Variants in TUBA8 observed in about 807,000 individuals in gnomAD.
TUBA8 encodes the protein tubulin alpha-8 chain.
In TUBA8, 29 loss-of-function variants were observed where a neutral mutation model predicts 34.7. The observed-to-expected ratio is 0.84, with a 90% confidence interval of 0.62 to 1.14. The LOEUF is 1.14. Among genes scored for constraint, TUBA8 ranks in the 50% most tolerant of loss-of-function variants. TUBA8 has a pLI of 0.00. For synonymous variants in TUBA8, 226 were observed against 231.2 expected (o/e 0.98, Z 0.21); for missense variants, 541 against 599.2 (o/e 0.90, Z 1.01).
In TUBA8 at chr22:18,110,978, A is replaced by C; in HGVS notation, c.3+110A>C. The C allele has an allele frequency of 6.6e-7, 1 of 1,505,332 alleles. No individual in the cohort carries two copies. Among genetic ancestry groups the C allele is most frequent in the Non-Finnish European group, 8.9e-7 (1 of 1,121,760 alleles). 93.2% of individuals were successfully genotyped at this position (1,505,332 alleles called of 1,614,324 possible). On this transcript the variant is annotated intron_variant, in intron 1 of 4. Transcript: ENST00000330423. The surrounding 1 kb of genome is among the most constrained non-coding windows in gnomAD (Gnocchi z 6.2). ...CGTCTTCCTGGAGCCGCAGGGCTCA[A>C]GGCCTTCTGGGGGTGGCAGTTCAGG...
Position 18,131,669 on chromosome 22 carries a change from T to A in TUBA8, c.*533T>A, listed in dbSNP as rs1928521241. 1 of 172,588 alleles carries A rather than the reference T, an allele frequency of 5.8e-6. No individual in the cohort carries two copies. The highest frequency in any genetic ancestry group is 1.3e-5 in the Non-Finnish European group (1 of 79,940). 10.7% of individuals were successfully genotyped at this position (172,588 alleles called of 1,614,324 possible). A position where few individuals can be genotyped will look rare whatever the true frequency, so the allele number is the denominator to read the frequency against. ...GCACTGAGAGCTGGAGAGTTGGTGATAAGCGAGACGAACACATTTCCTGCC... is the reference window on the plus strand; with the variant it reads ...GCACTGAGAGCTGGAGAGTTGGTGAAAAGCGAGACGAACACATTTCCTGCC... On this transcript the variant is annotated 3_prime_UTR_variant, in exon 5 of 5. Transcript: ENST00000330423. The surrounding 1 kb of genome is among the most constrained non-coding windows in gnomAD (Gnocchi z 5.3).
At position 18,121,688 on chromosome 22, in the gene TUBA8, G is replaced by A; in HGVS notation, c.213G>A (p.Glu71=). The part of the protein sequence containing the change: ...HVPRAVMIDL[E]PTVVDEVRAG... ...CCCGGGCCGTCATGATAGATCTGGA[G>A]CCTACTGTAGTGGGTGAGTGGGGGC... Residue 71 remains glutamate (E), a synonymous_variant, in exon 2 of 5, where the codon GAG becomes GAA. Coordinates refer to ENST00000330423, the MANE Select transcript of TUBA8 (RefSeq NM_018943.3). The surrounding 1 kb of genome is among the most constrained non-coding windows in gnomAD (Gnocchi z 4.8). 1.2e-6 allele frequency: 2 copies of A among 1,614,186 alleles called. No individual in the cohort carries two copies. The highest frequency in any genetic ancestry group is 2.2e-5 in the South Asian group (2 of 91,082).
Position 18,124,633 on chromosome 22 carries a change from G to A in TUBA8, c.375+329G>A, listed in dbSNP as rs1263461768. The A allele has an allele frequency of 3.9e-6, 1 of 255,120 alleles. No homozygotes were observed. The highest frequency in any genetic ancestry group is 7.6e-6 in the Non-Finnish European group (1 of 131,876). 15.8% of individuals were successfully genotyped at this position (255,120 alleles called of 1,614,324 possible). A position where few individuals can be genotyped will look rare whatever the true frequency, so the allele number is the denominator to read the frequency against. On this transcript the variant is annotated intron_variant, in intron 3 of 4. Coordinates refer to ENST00000330423, the MANE Select transcript of TUBA8 (RefSeq NM_018943.3). This position sits in a 1 kb window ranked among gnomAD's most constrained non-coding sequence, Gnocchi z 4.3. ...ACAGGTTAACAAAGCATTTAACTTG[G>A]AAGAGGAGAGGAAGAGATTGTTGAT...
chr22:18,130,985 C>A lies in TUBA8; in HGVS notation c.1199C>A (p.Ala400Asp). The change falls in exon 5 of 5, where the codon GCC (alanine) becomes GAC (aspartate). Residue 400 changes from alanine (A) to aspartate (D), a missense_variant. Transcript: ENST00000330423. ...RLDHKFDLMY[A>D]KRAFVHWYVG... ...GACCACAAGTTCGACCTCATGTACGCCAAGCGGGCCTTTGTGCATTGGTAT... is the reference window on the plus strand; with the variant it reads ...GACCACAAGTTCGACCTCATGTACGACAAGCGGGCCTTTGTGCATTGGTAT... 1.2e-6 allele frequency: 2 copies of A among 1,614,096 alleles called. No homozygotes were observed. Among genetic ancestry groups the A allele is most frequent in the Non-Finnish European group, 1.7e-6 (2 of 1,180,024 alleles).
chr22:18,112,122 G>A (rs893470412), intron 1 of TUBA8: 13 of 152,204 alleles, frequency 8.5e-5, no homozygotes, highest in African/African-American at 3.1e-4. Flanking sequence ...TCTGCAGCTA[G>A]CTGTGTGACT....
chr22:18,120,678 G>C (rs1000374101), intron 1 of TUBA8: 6 of 152,220 alleles, frequency 3.9e-5, no homozygotes, highest in African/African-American at 1.4e-4. Flanking sequence ...GTAGTTCTGA[G>C]TTCTTTGAGA....
At chr22:18,129,485 A>G (rs1207199677) in intron 4 of TUBA8, 4 of 152,270 alleles carry the variant, frequency 2.6e-5, no homozygotes, top group African/African-American at 9.6e-5. Flanking sequence ...CACTTAGAGG[A>G]GAACAGGTTG....
In TUBA8 at chr22:18,126,947, G is replaced by A; in HGVS notation, c.969G>A (p.Val323=). 1 of 1,613,270 alleles carries A rather than the reference G, an allele frequency of 6.2e-7. No homozygotes were observed. The highest frequency in any genetic ancestry group is 8.5e-7 in the Non-Finnish European group (1 of 1,179,542). Residue 323 remains valine, a synonymous_variant, in exon 4 of 5, where the codon GTG becomes GTA. Transcript: ENST00000330423. The surrounding 1 kb of genome is among the most constrained non-coding windows in gnomAD (Gnocchi z 4.0). The part of the protein sequence containing the change: ...MACCMLYRGD[V]VPKDVNVAIA... The stretch of plus-strand genomic sequence containing the variant: ...GCTGCATGCTCTACCGGGGCGACGT[G>A]GTGCCCAAGGATGTGAATGTCGCTA...
In TUBA8 at chr22:18,131,091, G is replaced by A. The variant is rs781448738; in HGVS notation, c.1305G>A (p.Val435=). The A allele has an allele frequency of 1.2e-6, 2 of 1,614,044 alleles. No homozygotes were observed. Among genetic ancestry groups the A allele is most frequent in the African/African-American group, 1.3e-5 (1 of 74,916 alleles). The change falls in exon 5 of 5, where the codon GTG becomes GTA. Residue 435 remains valine, a synonymous_variant. Coordinates refer to ENST00000330423, the MANE Select transcript of TUBA8 (RefSeq NM_018943.3). The surrounding 1 kb of genome is among the most constrained non-coding windows in gnomAD (Gnocchi z 5.3). ...CCCTGGAGAAGGATTATGAAGAAGT[G>A]GGGACTGATTCGTTTGAAGAAGAAA... ...LAALEKDYEE[V]GTDSFEEENE...
At position 18,130,866 on chromosome 22, in the gene TUBA8, G is replaced by T; in HGVS notation, c.1080G>T (p.Pro360=). ...AGGTGGGCATCAACTACCAGCCCCCGACCGTGGTCCCCGGGGGAGACCTGG... is the reference window on the plus strand; with the variant it reads ...AGGTGGGCATCAACTACCAGCCCCCTACCGTGGTCCCCGGGGGAGACCTGG... The part of the protein sequence containing the change: ...GFKVGINYQP[P]TVVPGGDLAK... The change falls in exon 5 of 5, where the codon CCG becomes CCT. Residue 360 remains proline, a synonymous_variant. Coordinates refer to ENST00000330423, the MANE Select transcript of TUBA8 (RefSeq NM_018943.3). The T allele has an allele frequency of 6.2e-7, 1 of 1,613,854 alleles. No homozygotes were observed. Among genetic ancestry groups the T allele is most frequent in the African/African-American group, 1.3e-5 (1 of 75,012 alleles).
At chr22:18,125,095 A>C (rs1928269706) in intron 3 of TUBA8, 1 of 152,192 alleles carries the variant, frequency 6.6e-6, no homozygotes, top group African/African-American at 2.4e-5. Context: ...GATTCTATGA[A>C]TTCTCTGGTG....
At position 18,131,421 on chromosome 22, in the gene TUBA8, A is replaced by C; in HGVS notation, c.*285A>C. ...GTTTCACATGCGAGGAGGCCTAATC[A>C]GGAGTTTCAATTCCAGATCGGGCTG... On this transcript the variant is annotated 3_prime_UTR_variant, in exon 5 of 5. Transcript: ENST00000330423. This position sits in a 1 kb window ranked among gnomAD's most constrained non-coding sequence, Gnocchi z 5.3. 1 of 426,062 alleles carries C rather than the reference A, an allele frequency of 2.3e-6. No homozygotes were observed. The highest frequency in any genetic ancestry group is 4.8e-5 in the East Asian group (1 of 20,790). The allele number at this position is 426,062 out of a possible 1,614,324, so 26.4% of individuals were successfully genotyped here.
At position 18,110,885 on chromosome 22, in the gene TUBA8, C is replaced by A; in HGVS notation, c.3+17C>A. ...GCAGCGATGGTGAGGCTTCCCGGGG[C>A]CAGGCGGGCTGCGGGCGCGCGGCAG... is the stretch of plus-strand genomic sequence containing the variant. On this transcript the variant is annotated intron_variant, in intron 1 of 4. Transcript: ENST00000330423. The surrounding 1 kb of genome is among the most constrained non-coding windows in gnomAD (Gnocchi z 6.2). 6.5e-7 allele frequency: 1 copy of A among 1,546,916 alleles called. No individual in the cohort carries two copies. Among genetic ancestry groups the A allele is most frequent in the Admixed American group, 1.9e-5 (1 of 51,912 alleles).
At chr22:18,122,222 T>C (rs1010139060) in intron 2 of TUBA8, 2 of 157,486 alleles carry the variant, frequency 1.3e-5, no homozygotes, top group Non-Finnish European at 2.8e-5. Flanking sequence ...GATCTCCCCT[T>C]CCCACACTAT....
chr22:18,121,458 G>A lies in TUBA8; in HGVS notation c.4-21G>A, dbSNP rs775496606. The A allele has an allele frequency of 9.9e-6, 16 of 1,610,134 alleles. No homozygotes were observed. The Admixed American group carries it at 1.2e-4, about 12-fold the overall frequency. ...CTGGGGGCCCAGACTCTCTGACCTC[G>A]TTGCTTCCCTCTCCCCACAGCGGGA... On this transcript the variant is annotated intron_variant, in intron 1 of 4. Coordinates refer to ENST00000330423, the MANE Select transcript of TUBA8 (RefSeq NM_018943.3). This position sits in a 1 kb window ranked among gnomAD's most constrained non-coding sequence, Gnocchi z 4.8.
intron 1 of TUBA8, chr22:18,113,150 C>T (rs1283679711): frequency 6.6e-6 from 1 of 152,232 alleles, no homozygotes; most frequent in Non-Finnish European, 1.5e-5. Flanking sequence ...TGAACTTACC[C>T]CCAACCCCTT....
intron 1 of TUBA8, chr22:18,115,299 G>C (rs1683025587): frequency 6.6e-6 from 1 of 152,432 alleles, no homozygotes; most frequent in South Asian, 2.1e-4. Context: ...CAGGGTCCCT[G>C]CGAATATTCC....
chr22:18,113,848 G>C (rs1927887469), intron 1 of TUBA8: 1 of 152,380 alleles, frequency 6.6e-6, no homozygotes, highest in African/African-American at 2.4e-5. Context: ...GGCTGGGGCA[G>C]AGCTGCTGGA....
rs1602486333 is a variant in TUBA8 at position 18,111,198 on chromosome 22, A to G, written c.3+330A>G. 1.0e-5 allele frequency: 5 copies of G among 478,370 alleles called. No individual in the cohort carries two copies. In the East Asian group the frequency reaches 1.4e-4, roughly 13 times the overall value. The allele number at this position is 478,370 out of a possible 1,614,324, so 29.6% of individuals were successfully genotyped here. On this transcript the variant is annotated intron_variant, in intron 1 of 4. Transcript: ENST00000330423. This position sits in a 1 kb window ranked among gnomAD's most constrained non-coding sequence, Gnocchi z 5.1. ...GTCCCCAGATGGGCAGCCTGTGGACAGAGTGGAGAGAAGGGCGAGTCCGGG... is the reference window on the plus strand; with the variant it reads ...GTCCCCAGATGGGCAGCCTGTGGACGGAGTGGAGAGAAGGGCGAGTCCGGG...
Sources: gnomAD v4.1 joint callset for allele counts on GRCh38, gnomAD v4.1.1 for gene constraint, Gnocchi (gnomAD v3.1) non-coding constraint, MANE v1.5 for transcripts, NCBI Gene and HGNC (gene_info 2026-07-23, HGNC 2026-07-21) for gene names.